Variants in COL8A1 observed in about 807,000 individuals in gnomAD.
COL8A1 encodes the protein collagen alpha-1(VIII) chain.
Under a neutral mutation model 42.7 loss-of-function variants are expected in COL8A1, and 21 were observed. That is an observed-to-expected ratio of 0.49 (90% CI 0.35 to 0.71). The LOEUF is 0.71. Among genes scored for constraint, COL8A1 ranks in the 30% least tolerant of loss-of-function variants. COL8A1 has a pLI of 0.01. For synonymous variants in COL8A1, 367 were observed against 369.1 expected (o/e 0.99, Z 0.06); for missense variants, 788 against 962.4 (o/e 0.82, Z 2.40).
intron 1 of COL8A1, among the ~76,000 whole-genome samples, chr3:99,692,081 T>C (rs1191784601): frequency 6.6e-6 from 1 of 152,076 alleles, no homozygotes; most frequent in Non-Finnish European, 1.5e-5. Context: ...GCCTCAATAC[T>C]TGGGCCAGAT....
chr3:99,742,836 CTATGTATCTTCCCCTTGTTT>C (rs1211768106), intron 1 of COL8A1, among the ~76,000 whole-genome samples: 3 of 151,918 alleles, frequency 2.0e-5, no homozygotes, highest in Non-Finnish European at 4.4e-5. Flanking sequence ...TTGTATTATG[CTATGTATCTTCCCCTTGTTT>C]TATTTTCACC....
chr3:99,782,576 G>A (rs941755581), intron 2 of COL8A1, among the ~76,000 whole-genome samples: 25 of 152,072 alleles, frequency 1.6e-4, no homozygotes, highest in Non-Finnish European at 5.9e-5. Flanking sequence ...ATTTTTAGTA[G>A]AGACAGGGTT....
At chr3:99,696,112 C>T (rs575633499) in intron 1 of COL8A1, among the ~76,000 whole-genome samples, 168 of 152,066 alleles carry the variant, frequency 1.1e-3, no homozygotes, top group African/African-American at 3.9e-3. Flanking sequence ...CCGGCCTGGG[C>T]GACAGAGTGA....
intron 1 of COL8A1, among the ~76,000 whole-genome samples, chr3:99,709,729 A>G (rs960395680): frequency 1.3e-5 from 2 of 152,208 alleles, no homozygotes; most frequent in African/African-American, 4.8e-5. Context: ...GATCACATCA[A>G]TGTTGTGAAT....
At chr3:99,769,854 G>A (rs1941543516) in intron 2 of COL8A1, among the ~76,000 whole-genome samples, 1 of 152,096 alleles carries the variant, frequency 6.6e-6, no homozygotes, top group African/African-American at 2.4e-5. Context: ...GGGAGATGGA[G>A]GTTGCAGTGA....
chr3:99,642,734 G>A (rs767734591), intron 1 of COL8A1, among the ~76,000 whole-genome samples: 3 of 152,120 alleles, frequency 2.0e-5, no homozygotes, highest in Non-Finnish European at 4.4e-5. Context: ...CATAGAACAA[G>A]TTTCTAAAGA....
intron 2 of COL8A1, among the ~76,000 whole-genome samples, chr3:99,745,469 A>T (rs879386594): frequency 1.3e-5 from 2 of 152,198 alleles, no homozygotes. Flanking sequence ...AAATGGGAAA[A>T]TTAAAATAAT....
chr3:99,761,083 A>G (rs1205781601), intron 2 of COL8A1, among the ~76,000 whole-genome samples: 1 of 152,216 alleles, frequency 6.6e-6, no homozygotes, highest in Non-Finnish European at 1.5e-5. Flanking sequence ...TGCTCTCCCA[A>G]TAGACTTACT....
At chr3:99,775,240 G>A (rs555791755) in intron 2 of COL8A1, among the ~76,000 whole-genome samples, 11 of 152,258 alleles carry the variant, frequency 7.2e-5, no homozygotes, top group Non-Finnish European at 1.3e-4. Flanking sequence ...ATCAATCATG[G>A]CTAAAGAAAG....
At chr3:99,787,642 A>G (rs1941920639) in intron 2 of COL8A1, among the ~76,000 whole-genome samples, 1 of 152,162 alleles carries the variant, frequency 6.6e-6, no homozygotes, top group Non-Finnish European at 1.5e-5. Context: ...TATAATTGCT[A>G]TTTTACAGGT....
chr3:99,658,874 C>T (rs1344476769), intron 1 of COL8A1, among the ~76,000 whole-genome samples: 1 of 152,148 alleles, frequency 6.6e-6, no homozygotes, highest in East Asian at 1.9e-4. Flanking sequence ...CCCTCTCATT[C>T]TCATTGTGGG....
intron 2 of COL8A1, among the ~76,000 whole-genome samples, chr3:99,778,926 A>G (rs1020337336): frequency 6.6e-6 from 1 of 152,176 alleles, no homozygotes; most frequent in Non-Finnish European, 1.5e-5. Flanking sequence ...CCCAAAGATA[A>G]AGGTTTGATT....
intron 1 of COL8A1, among the ~76,000 whole-genome samples, chr3:99,704,463 C>T (rs1434256324): frequency 6.6e-6 from 1 of 151,554 alleles, no homozygotes; most frequent in East Asian, 1.9e-4. Flanking sequence ...GCACAACATG[C>T]AGGTTTGTTA....
intron 2 of COL8A1, among the ~76,000 whole-genome samples, chr3:99,786,764 T>C (rs995291318): frequency 6.7e-6 from 1 of 148,428 alleles, no homozygotes; most frequent in African/African-American, 2.6e-5. Context: ...CTGTTCTGAG[T>C]GTTCAATAGG....
chr3:99,658,123 A>C (rs865821425), intron 1 of COL8A1, among the ~76,000 whole-genome samples: 20,812 of 125,244 alleles, frequency 0.17, 1,557 homozygotes, highest in African/African-American at 0.21. Flanking sequence ...TCAAAAAAAC[A>C]AAAAACAAAA....
chr3:99,756,976 A>T (rs955437145), intron 2 of COL8A1, among the ~76,000 whole-genome samples: 1 of 152,156 alleles, frequency 6.6e-6, no homozygotes, highest in African/African-American at 2.4e-5. Context: ...AGCTTCTCTG[A>T]TGGATCTGAA....
At chr3:99,733,170 T>A (rs1576453606) in intron 1 of COL8A1, among the ~76,000 whole-genome samples, 1 of 150,882 alleles carries the variant, frequency 6.6e-6, no homozygotes. Context: ...ATTATACTTT[T>A]AAGTTTTAGG....
chr3:99,754,393 A>G (rs1324225064), intron 2 of COL8A1, among the ~76,000 whole-genome samples: 7 of 152,162 alleles, frequency 4.6e-5, no homozygotes, highest in African/African-American at 1.7e-4. Context: ...GAATGCGATC[A>G]CAAGAGCAAA....
At chr3:99,757,849 A>C (rs1051283557) in intron 2 of COL8A1, among the ~76,000 whole-genome samples, 9 of 152,176 alleles carry the variant, frequency 5.9e-5, no homozygotes, top group Admixed American at 6.6e-5. Context: ...ACTGGATTTT[A>C]GAGGCTACTG....
Sources: gnomAD v4.1 joint callset for allele counts (sites outside exome capture counted in the v4.1 genomes callset) on GRCh38, gnomAD v4.1.1 for gene constraint, MANE v1.5 for transcripts, NCBI Gene and HGNC (gene_info 2026-07-23, HGNC 2026-07-21) for gene names.